The following SERBP1 variants were observed in gnomAD, a reference collection of about 807,000 sequenced individuals.
The protein encoded by SERBP1 is SERPINE1 mRNA-binding protein 1.
SERBP1 carries 6 observed loss-of-function variants against 50.2 expected under a neutral mutation model. That is an observed-to-expected ratio of 0.12 (90% confidence interval 0.07 to 0.24). The LOEUF (loss-of-function observed/expected upper bound fraction) is 0.24. SERBP1 is among the 10% of genes least tolerant of loss of function. SERBP1 has a pLI of 1.00. For synonymous variants in SERBP1, 168 were observed against 182.8 expected (o/e 0.92, Z 0.65); for missense variants, 346 against 524.9 (o/e 0.66, Z 3.33).
In SERBP1 at chr1:67,430,187, T is replaced by C. The variant is rs1208488025; in HGVS notation, c.114A>G (p.Lys38=). ...FEVLKAAENK[K]KEAGGGGVGG... ...CAACGCCGCCCCCGCCGGCTTCTTTTTTCTTGTTCTCTGCTGCCTTCAGCA... is the reference window on the plus strand; with the variant it reads ...CAACGCCGCCCCCGCCGGCTTCTTTCTTCTTGTTCTCTGCTGCCTTCAGCA... Residue 38 remains lysine (K), a synonymous_variant, in exon 1 of 8, where the codon AAA becomes AAG. Coordinates refer to ENST00000361219, the MANE Select transcript of SERBP1 (RefSeq NM_001018069.2). The C allele has an allele frequency of 2.0e-5, 32 of 1,610,824 alleles. No homozygotes were observed. The highest frequency in any genetic ancestry group is 2.6e-5 in the Non-Finnish European group (31 of 1,179,618).
At chr1:67,416,474 T>G (rs1199053706) in intron 6 of SERBP1, among the ~76,000 whole-genome samples, 4 of 152,234 alleles carry the variant, frequency 2.6e-5, no homozygotes, top group Non-Finnish European at 4.4e-5. Flanking sequence ...TGGGTTTTAA[T>G]CTTCTAGTTG....
intron 6 of SERBP1, 23 bp from the exon 7 acceptor site, chr1:67,415,362 T>C (rs775880799): frequency 2.2e-5 from 34 of 1,533,136 alleles, no homozygotes; most frequent in East Asian, 7.1e-5. Context: ...GTGAAGATGA[T>C]TGTGTTATTA....
Position 67,429,698 on chromosome 1 carries a change from G to A in SERBP1, c.313+290C>T, listed in dbSNP as rs1360285097. ...CCGGCGGGAAGGCAACAGCCTCCCA[G>A]GACCTCGAGCGCGCTCGAGGAGCAG... On this transcript the variant is annotated intron_variant, in intron 1 of 7. Coordinates refer to ENST00000361219, the MANE Select transcript of SERBP1 (RefSeq NM_001018069.2). The A allele has an allele frequency of 1.9e-5, 6 of 318,596 alleles. No homozygotes were observed. The East Asian group carries it at 3.0e-4, about 16-fold the overall frequency. 19.7% of individuals were successfully genotyped at this position (318,596 alleles called of 1,614,324 possible). A position where few individuals can be genotyped will look rare whatever the true frequency, so the allele number is the denominator to read the frequency against.
intron 6 of SERBP1, among the ~76,000 whole-genome samples, chr1:67,418,676 T>C (rs1331944001): frequency 6.6e-6 from 1 of 152,108 alleles, no homozygotes; most frequent in East Asian, 1.9e-4. Context: ...CAAGAACTGT[T>C]TGAATCCGGG....
chr1:67,425,328 C>G, intron 2 of SERBP1, 105 bp from the exon 3 acceptor site: 1 of 1,094,746 alleles, frequency 9.1e-7, no homozygotes, highest in South Asian at 1.8e-5. Flanking sequence ...GCTCAAAAAC[C>G]AATAGTTAAA....
intron 6 of SERBP1, among the ~76,000 whole-genome samples, chr1:67,416,456 G>A (rs976393459): frequency 1.3e-5 from 2 of 152,292 alleles, no homozygotes; most frequent in African/African-American, 4.8e-5. Flanking sequence ...CTTCTTGTAC[G>A]CTTGGGATGG....
chr1:67,421,927 CTG>C (rs1479805382), intron 5 of SERBP1, among the ~76,000 whole-genome samples: 1 of 152,094 alleles, frequency 6.6e-6, no homozygotes, highest in Non-Finnish European at 1.5e-5. Context: ...AGACAGGAGA[CTG>C]TGTCTCAAAG....
chr1:67,422,547 A>C (rs548876616), intron 5 of SERBP1, among the ~76,000 whole-genome samples: 1 of 152,182 alleles, frequency 6.6e-6, no homozygotes, highest in Admixed American at 6.5e-5. Flanking sequence ...TTTAGAAAAC[A>C]TCTGCCCCTC....
intron 1 of SERBP1, 84 bp downstream of exon 1, chr1:67,429,904 G>A (rs2100454429): frequency 7.1e-7 from 1 of 1,413,662 alleles, no homozygotes; most frequent in Non-Finnish European, 9.6e-7. Context: ...CGGACCCTCG[G>A]AGCTCCAGAA....
At chr1:67,415,391 A>G in intron 6 of SERBP1, 52 bp from the exon 7 acceptor site, 1 of 1,450,154 alleles carries the variant, frequency 6.9e-7, no homozygotes, top group South Asian at 1.5e-5. Flanking sequence ...GTAACATTGC[A>G]AAATTTCTAA....
chr1:67,426,946 G>C (rs936551057), intron 1 of SERBP1, among the ~76,000 whole-genome samples: 1 of 152,082 alleles, frequency 6.6e-6, no homozygotes, highest in Non-Finnish European at 1.5e-5. Flanking sequence ...TCATCTTTTG[G>C]TCTTCTTAGC....
chr1:67,429,977 C>T lies in SERBP1; in HGVS notation c.313+11G>A. 1.3e-6 allele frequency: 2 copies of T among 1,592,338 alleles called. No homozygotes were observed. The highest frequency in any genetic ancestry group is 1.7e-6 in the Non-Finnish European group (2 of 1,169,438). On this transcript the variant is annotated intron_variant, in intron 1 of 7. Transcript: ENST00000361219. Reference sequence around the variant, plus strand: ...CATCCCAGTCTCCCCCACATTCTGCCCCTGCTTTACCTTCTTTCTTAAGCG... The same window carrying T: ...CATCCCAGTCTCCCCCACATTCTGCTCCTGCTTTACCTTCTTTCTTAAGCG...
chr1:67,423,593 T>C (rs1401636284), intron 5 of SERBP1, among the ~76,000 whole-genome samples: 1 of 146,712 alleles, frequency 6.8e-6, no homozygotes, highest in Non-Finnish European at 1.5e-5. Flanking sequence ...GGCAACAGAA[T>C]GAAATCTTGT....
intron 1 of SERBP1, among the ~76,000 whole-genome samples, chr1:67,429,151 G>A (rs1667483383): frequency 6.6e-6 from 1 of 152,018 alleles, no homozygotes; most frequent in East Asian, 1.9e-4. Flanking sequence ...GCTCTGCTGC[G>A]ACTAACGCTG....
At chr1:67,429,264 T>C in intron 1 of SERBP1, among the ~76,000 whole-genome samples, 1 of 152,210 alleles carries the variant, frequency 6.6e-6, no homozygotes. Context: ...AGGACGTTCC[T>C]CGGGATGTCC....
chr1:67,426,124 A>G lies in SERBP1; in HGVS notation c.464+11T>C. On this transcript the variant is annotated intron_variant, in intron 2 of 7. Transcript: ENST00000361219. ...ACCAAGACCCTGGCTCAAAAACAAGAAACAACTTACCTATCAACTGAAAAT... is the reference window on the plus strand; with the variant it reads ...ACCAAGACCCTGGCTCAAAAACAAGGAACAACTTACCTATCAACTGAAAAT... The G allele has an allele frequency of 6.3e-7, 1 of 1,599,502 alleles. No individual in the cohort carries two copies. The highest frequency in any genetic ancestry group is 8.5e-7 in the Non-Finnish European group (1 of 1,174,584).
intron 6 of SERBP1, among the ~76,000 whole-genome samples, chr1:67,416,119 C>T (rs1666998361): frequency 6.6e-6 from 1 of 150,722 alleles, no homozygotes; most frequent in Non-Finnish European, 1.5e-5. Context: ...CTCAAGCGAT[C>T]CTCCCACCTC....
chr1:67,429,078 A>G (rs940657512), intron 1 of SERBP1, among the ~76,000 whole-genome samples: 2 of 152,124 alleles, frequency 1.3e-5, no homozygotes, highest in African/African-American at 2.4e-5. Context: ...ATTAACCGCC[A>G]GTGAAACTCT....
At chr1:67,417,960 G>C (rs1667072129) in intron 6 of SERBP1, among the ~76,000 whole-genome samples, 1 of 135,830 alleles carries the variant, frequency 7.4e-6, no homozygotes, top group African/African-American at 2.7e-5. Flanking sequence ...ACATGTGAAA[G>C]TTAAAGTGTT....
Sources: allele counts gnomAD v4.1 joint callset (sites outside exome capture counted in the v4.1 genomes callset), GRCh38; gene constraint gnomAD v4.1.1; transcripts MANE v1.5; gene names NCBI Gene and HGNC (gene_info 2026-07-23, HGNC 2026-07-21).